The following SCAI variants were observed in gnomAD, a reference collection of about 807,000 sequenced individuals.
SCAI encodes suppressor of cancer cell invasion, also known as protein SCAI.
A neutral mutation model predicts 92.2 loss-of-function variants in SCAI; 24 were observed. The ratio of observed to expected loss-of-function variants is 0.26; its 90% CI spans 0.19 to 0.37. The LOEUF (loss-of-function observed/expected upper bound fraction) is 0.37. Ranked by LOEUF, SCAI falls within the 10% of genes least tolerant of loss-of-function variation. The pLI, the probability that SCAI is intolerant of heterozygous loss-of-function variation, is 1.00. For missense variants in SCAI, 450 were observed against 736.2 expected, an observed-to-expected ratio of 0.61 and a Z score of 4.50; for synonymous variants, 261 against 258.6, an observed-to-expected ratio of 1.01 and a Z score of -0.09.
chr9:125,020,566 A>C (rs1832851788), intron 7 of SCAI, 107 bp downstream of exon 7: 2 of 569,324 alleles, frequency 3.5e-6, no homozygotes, highest in African/African-American at 2.0e-5. Context: ...TGAATATTGT[A>C]ATTATTGATA....
At chr9:125,117,665 CAAAAAAAAAA>C (rs372964615) in intron 2 of SCAI, among the ~76,000 whole-genome samples, 2 of 45,252 alleles carry the variant, frequency 4.4e-5, no homozygotes, top group Admixed American at 3.1e-4. Flanking sequence ...GACTCCATCT[CAAAAAAAAAA>C]AAAAAAAAAA....
At chr9:125,003,239 TA>T in intron 10 of SCAI, 24 bp from the exon 11 acceptor site, 1 of 1,537,824 alleles carries the variant, frequency 6.5e-7, no homozygotes, top group African/African-American at 1.4e-5. Context: ...CAGAAAACAT[TA>T]TACATAAAAG....
At chr9:125,062,501 A>G (rs1280817004) in intron 2 of SCAI, among the ~76,000 whole-genome samples, 2 of 151,356 alleles carry the variant, frequency 1.3e-5, no homozygotes, top group African/African-American at 4.8e-5. Flanking sequence ...CTGTAATCTC[A>G]GCACTTTGGG....
chr9:125,074,355 C>A (rs1424781237), intron 2 of SCAI, among the ~76,000 whole-genome samples: 1 of 150,906 alleles, frequency 6.6e-6, no homozygotes, highest in Non-Finnish European at 1.5e-5. Context: ...CTCCCAGGTT[C>A]AAGCGATTCT....
intron 2 of SCAI, among the ~76,000 whole-genome samples, chr9:125,071,723 G>A (rs891813372): frequency 7.9e-5 from 12 of 151,968 alleles, no homozygotes; most frequent in African/African-American, 2.2e-4. Flanking sequence ...GTACTGCAGT[G>A]AAAGGGAAAA....
At chr9:125,012,627 G>C (rs1345360628) in intron 9 of SCAI, among the ~76,000 whole-genome samples, 1 of 151,980 alleles carries the variant, frequency 6.6e-6, no homozygotes, top group East Asian at 1.9e-4. Context: ...CAACGAGACA[G>C]AAAGTTAACA....
At chr9:125,011,782 G>A (rs1431295687) in intron 9 of SCAI, among the ~76,000 whole-genome samples, 1 of 152,224 alleles carries the variant, frequency 6.6e-6, no homozygotes, top group Admixed American at 6.5e-5. Context: ...CAGCCAGATA[G>A]AAAGGTCGGG....
At chr9:124,959,772 G>C (rs1010460870) in intron 17 of SCAI, among the ~76,000 whole-genome samples, 1 of 146,448 alleles carries the variant, frequency 6.8e-6, no homozygotes, top group Non-Finnish European at 1.5e-5. Context: ...ACCTATGAGT[G>C]AGAAGATGTG....
At chr9:125,045,663 G>T (rs954207594) in intron 3 of SCAI, among the ~76,000 whole-genome samples, 2 of 152,094 alleles carry the variant, frequency 1.3e-5, no homozygotes, top group African/African-American at 4.8e-5. Flanking sequence ...TCAAACATTC[G>T]TCTGTGTTTG....
At chr9:125,083,813 A>G (rs1246170259) in intron 2 of SCAI, among the ~76,000 whole-genome samples, 1 of 152,100 alleles carries the variant, frequency 6.6e-6, no homozygotes, top group Non-Finnish European at 1.5e-5. Context: ...TACTTTCTAC[A>G]CTCTGTGAAA....
At chr9:124,984,855 AG>A (rs1243115454) in intron 14 of SCAI, among the ~76,000 whole-genome samples, 23 of 152,198 alleles carry the variant, frequency 1.5e-4, no homozygotes, top group Admixed American at 1.2e-3. Flanking sequence ...AGTCAGCTGT[AG>A]GTGGAAAAGA....
rs2131051771 is a variant in SCAI, at chr9:125,008,887, C to T, written c.862-5317G>A. Among the ~76,000 whole-genome samples the T allele has an allele frequency of 1.3e-5, 2 of 152,116 alleles. 1 individual carries two copies. Among genetic ancestry groups the T allele is most frequent in the South Asian group, 4.1e-4 (2 of 4,824 alleles). On this transcript the variant is annotated intron_variant, in intron 9 of 17. Transcript: ENST00000336505. ...CAAGCAGGATAAATAAAGAAAACTGCACCTGAATATAACATAGTAAAACTG... is the reference window on the plus strand; with the variant it reads ...CAAGCAGGATAAATAAAGAAAACTGTACCTGAATATAACATAGTAAAACTG...
chr9:124,985,597 G>T (rs1275715918), intron 14 of SCAI, among the ~76,000 whole-genome samples: 2 of 152,198 alleles, frequency 1.3e-5, no homozygotes, highest in Non-Finnish European at 2.9e-5. Context: ...GCTGGGCACG[G>T]TGGCTCACAC....
intron 17 of SCAI, among the ~76,000 whole-genome samples, chr9:124,961,878 T>G (rs978484708): frequency 6.6e-6 from 1 of 151,110 alleles, no homozygotes; most frequent in Non-Finnish European, 1.5e-5. Context: ...TGTGGCAGTT[T>G]TTTTTTTTTT....
chr9:124,995,917 T>C (rs557687860), intron 13 of SCAI, among the ~76,000 whole-genome samples: 176 of 152,184 alleles, frequency 1.2e-3, no homozygotes, highest in Non-Finnish European at 2.0e-3. Context: ...TGAGAGCCAA[T>C]GCGTAAGGTC....
At position 125,091,318 on chromosome 9, in the gene SCAI, C is replaced by T. The variant is rs563591007; in HGVS notation, c.99-35311G>A. Among the ~76,000 whole-genome samples the T allele has an allele frequency of 1.3e-5, 2 of 152,184 alleles. No individual in the cohort carries two copies. The highest frequency in any genetic ancestry group is 2.9e-5 in the Non-Finnish European group (2 of 68,034). On this transcript the variant is annotated intron_variant, in intron 2 of 17. Transcript: ENST00000336505. The surrounding 1 kb of genome is among the most constrained non-coding windows in gnomAD (Gnocchi z 4.3). ...TCCATCCATGCTGTGAGGTACTTGA[C>T]AACTTTCCAATAAATTCATTTTCTG... is the stretch of plus-strand genomic sequence containing the variant.
chr9:125,016,073 G>T (rs10986521), intron 9 of SCAI, among the ~76,000 whole-genome samples: 88,971 of 143,562 alleles, frequency 0.62, 28,099 homozygotes, highest in African/African-American at 0.65. Flanking sequence ...GAGATATACC[G>T]AATGCTAAAA....
chr9:124,953,095 A>G, intron 17 of SCAI, 142 bp from the exon 18 acceptor site: 1 of 714,520 alleles, frequency 1.4e-6, no homozygotes, highest in Non-Finnish European at 2.4e-6. Context: ...TGAATATTGA[A>G]TTGCTGATAT....
intron 9 of SCAI, among the ~76,000 whole-genome samples, chr9:125,004,308 C>G (rs1412975165): frequency 6.7e-6 from 1 of 150,210 alleles, no homozygotes; most frequent in Non-Finnish European, 1.5e-5. Context: ...ACTAACACCA[C>G]AAGGATCTCC....
Sources: allele counts gnomAD v4.1 joint callset (sites outside exome capture counted in the v4.1 genomes callset), GRCh38; gene constraint gnomAD v4.1.1; non-coding constraint Gnocchi (gnomAD v3.1); transcripts MANE v1.5; gene names NCBI Gene and HGNC (gene_info 2026-07-23, HGNC 2026-07-21).